Variants in TSHZ2 observed in about 807,000 individuals in gnomAD.
TSHZ2 encodes teashirt homolog 2.
In TSHZ2, 21 loss-of-function variants were observed where a neutral mutation model predicts 74.4. That is an observed-to-expected ratio of 0.28 (90% CI 0.20 to 0.41). The LOEUF (loss-of-function observed/expected upper bound fraction) is 0.41. Ranked by LOEUF, TSHZ2 falls within the 10% of genes least tolerant of loss-of-function variation. The pLI is 1.00. For missense variants in TSHZ2, 1,244 were observed against 1,293.5 expected (o/e 0.96, Z 0.59); for synonymous variants, 540 against 515.3 (o/e 1.05, Z -0.65).
intron 2 of TSHZ2, among the ~76,000 whole-genome samples, chr20:53,410,883 C>G (rs1172892253): frequency 6.6e-6 from 1 of 151,994 alleles, no homozygotes; most frequent in Non-Finnish European, 1.5e-5. Flanking sequence ...CCATTTTGGC[C>G]AGGCTGGTCT....
chr20:53,105,307 T>C (rs1218936720), intron 1 of TSHZ2, among the ~76,000 whole-genome samples: 1 of 152,218 alleles, frequency 6.6e-6, no homozygotes, highest in Admixed American at 6.5e-5. Flanking sequence ...CTGCTGACAT[T>C]AGGAGCTAGA....
intron 1 of TSHZ2, among the ~76,000 whole-genome samples, chr20:53,201,002 G>A (rs976392631): frequency 1.3e-5 from 2 of 149,158 alleles, no homozygotes; most frequent in Admixed American, 1.3e-4. Flanking sequence ...GGATATGTTT[G>A]AAATTTTCCA....
At chr20:53,184,891 A>G (rs927655576) in intron 1 of TSHZ2, among the ~76,000 whole-genome samples, 3 of 152,062 alleles carry the variant, frequency 2.0e-5, no homozygotes, top group Non-Finnish European at 2.9e-5. Flanking sequence ...TATTTTTAGT[A>G]TAGATGGGAT....
intron 1 of TSHZ2, among the ~76,000 whole-genome samples, chr20:52,992,845 C>T (rs1982044198): frequency 6.6e-6 from 1 of 152,188 alleles, no homozygotes; most frequent in African/African-American, 2.4e-5. Flanking sequence ...GTTATAGCAT[C>T]AACATCTGTG....
chr20:53,347,499 C>T (rs549097456), intron 2 of TSHZ2, among the ~76,000 whole-genome samples: 1 of 152,268 alleles, frequency 6.6e-6, no homozygotes, highest in Non-Finnish European at 1.5e-5. Flanking sequence ...TATCCACCCC[C>T]CAACTCCTTA....
intron 1 of TSHZ2, among the ~76,000 whole-genome samples, chr20:53,134,854 G>A (rs1458297529): frequency 2.0e-5 from 3 of 151,514 alleles, no homozygotes; most frequent in South Asian, 2.1e-4. Context: ...CACCCCATCC[G>A]AAAACCCAAA....
intron 1 of TSHZ2, among the ~76,000 whole-genome samples, chr20:53,043,813 A>G (rs1198317501): frequency 6.6e-6 from 1 of 152,112 alleles, no homozygotes; most frequent in Non-Finnish European, 1.5e-5. Flanking sequence ...GGGGAAGCTC[A>G]TTGTTTTCAT....
intron 1 of TSHZ2, among the ~76,000 whole-genome samples, chr20:53,013,331 C>A (rs1982923589): frequency 6.6e-6 from 1 of 151,906 alleles, no homozygotes; most frequent in Non-Finnish European, 1.5e-5. Flanking sequence ...CCCTATTTGT[C>A]CTCAATGGTT....
intron 1 of TSHZ2, among the ~76,000 whole-genome samples, chr20:53,037,779 C>T (rs1288850194): frequency 2.0e-5 from 3 of 152,194 alleles, no homozygotes; most frequent in Non-Finnish European, 4.4e-5. Flanking sequence ...TGCCTGGGTG[C>T]TGGGGCAGGG....
intron 1 of TSHZ2, among the ~76,000 whole-genome samples, chr20:53,206,247 TAAAG>T (rs1201248194): frequency 6.6e-6 from 1 of 151,806 alleles, no homozygotes; most frequent in African/African-American, 2.4e-5. Context: ...TAATAATAAA[TAAAG>T]ACACACATAG....
At chr20:53,341,105 G>A (rs527320231) in intron 2 of TSHZ2, among the ~76,000 whole-genome samples, 1 of 152,288 alleles carries the variant, frequency 6.6e-6, no homozygotes, top group South Asian at 2.1e-4. Flanking sequence ...CCAGCATAGA[G>A]GACAGTCCCT....
At chr20:53,157,941 C>T (rs1987835479) in intron 1 of TSHZ2, among the ~76,000 whole-genome samples, 1 of 151,460 alleles carries the variant, frequency 6.6e-6, no homozygotes, top group African/African-American at 2.4e-5. Context: ...AGCCACAAAC[C>T]AATGAATTTC....
At chr20:53,484,171 C>G (rs1286001713) in intron 2 of TSHZ2, among the ~76,000 whole-genome samples, 1 of 152,120 alleles carries the variant, frequency 6.6e-6, no homozygotes, top group Non-Finnish European at 1.5e-5. Context: ...CAAAGATTGC[C>G]AGGGACCCTT....
chr20:53,176,884 A>G (rs1988354582), intron 1 of TSHZ2, among the ~76,000 whole-genome samples: 1 of 151,768 alleles, frequency 6.6e-6, no homozygotes, highest in Non-Finnish European at 1.5e-5. Context: ...ATGGGGTTTC[A>G]CTATGTTGGC....
chr20:53,250,035 A>T (rs1990290448), intron 1 of TSHZ2, among the ~76,000 whole-genome samples: 1 of 152,150 alleles, frequency 6.6e-6, no homozygotes, highest in Admixed American at 6.5e-5. Context: ...TCAGTCAAAG[A>T]ATGGACCGGA....
intron 2 of TSHZ2, among the ~76,000 whole-genome samples, chr20:53,305,971 C>T (rs962041580): frequency 1.5e-5 from 2 of 136,208 alleles, no homozygotes; most frequent in African/African-American, 5.1e-5. Context: ...GAGCAAGACT[C>T]TGTGAAAAAA....
At chr20:53,206,460 TC>T (rs1218859269) in intron 1 of TSHZ2, 1 of 152,150 alleles carries the variant, frequency 6.6e-6, no homozygotes, top group East Asian at 1.9e-4. Flanking sequence ...CTAAACTTGG[TC>T]AAAGGGTTAA....
intron 1 of TSHZ2, among the ~76,000 whole-genome samples, chr20:53,113,742 C>T (rs960216671): frequency 2.0e-5 from 3 of 152,106 alleles, no homozygotes; most frequent in Non-Finnish European, 4.4e-5. Context: ...AGGTTAATCC[C>T]TTTTAGTATT....
chr20:53,066,598 C>G (rs540272926), intron 1 of TSHZ2, among the ~76,000 whole-genome samples: 5 of 152,130 alleles, frequency 3.3e-5, no homozygotes, highest in African/African-American at 1.2e-4. Context: ...ACCTCCGCCT[C>G]CTGGGTTCAA....
Sources: allele counts gnomAD v4.1 joint callset (sites outside exome capture counted in the v4.1 genomes callset), GRCh38; gene constraint gnomAD v4.1.1; transcripts MANE v1.5; gene names NCBI Gene and HGNC (gene_info 2026-07-23, HGNC 2026-07-21).